GRM7: variants seen among roughly 807,000 people sequenced by gnomAD.
GRM7 encodes glutamate metabotropic receptor 7, also known as metabotropic glutamate receptor 7.
Under a neutral mutation model 84.5 loss-of-function variants are expected in GRM7, and 35 were observed. The ratio of observed to expected loss-of-function variants is 0.41; its 90% confidence interval spans 0.32 to 0.55. The LOEUF (loss-of-function observed/expected upper bound fraction) is 0.55. Among genes scored for constraint, GRM7 ranks in the 20% least tolerant of loss-of-function variants. The pLI is 0.19. For synonymous variants in GRM7, 487 were observed against 455.1 expected (o/e 1.07, Z -0.89); for missense variants, 1,003 against 1,194.6 (o/e 0.84, Z 2.36).
At chr3:7,553,273 T>C (rs991836888) in intron 7 of GRM7, among the ~76,000 whole-genome samples, 5 of 152,158 alleles carry the variant, frequency 3.3e-5, no homozygotes, top group African/African-American at 1.2e-4. Flanking sequence ...TGGACTTCAT[T>C]GTCCATATCA....
At chr3:7,049,094 C>CTAGTTAGTCCAACTA (rs1696902463) in intron 1 of GRM7, among the ~76,000 whole-genome samples, 1 of 152,070 alleles carries the variant, frequency 6.6e-6, no homozygotes, top group Admixed American at 6.6e-5. Flanking sequence ...CATGTCCATT[C>CTAGTTAGTCCAACTA]ACTCCTCTCA....
intron 9 of GRM7, among the ~76,000 whole-genome samples, chr3:7,718,147 T>C (rs1701830097): frequency 6.6e-6 from 1 of 152,176 alleles, no homozygotes; most frequent in Admixed American, 6.5e-5. Flanking sequence ...AATGGGAGAA[T>C]GAAAGCATCT....
chr3:7,361,845 T>A (rs1460907853), intron 4 of GRM7, among the ~76,000 whole-genome samples: 2 of 152,048 alleles, frequency 1.3e-5, no homozygotes, highest in Non-Finnish European at 2.9e-5. Context: ...ATCCTTTTAT[T>A]TAAGGAAGGA....
At chr3:7,179,224 T>A (rs1228998108) in intron 2 of GRM7, among the ~76,000 whole-genome samples, 2 of 152,240 alleles carry the variant, frequency 1.3e-5, no homozygotes, top group African/African-American at 4.8e-5. Context: ...GGTCCTTGTC[T>A]CCTTGACTCC....
chr3:7,086,727 A>G (rs1698471120), intron 1 of GRM7, among the ~76,000 whole-genome samples: 2 of 152,220 alleles, frequency 1.3e-5, no homozygotes, highest in South Asian at 4.1e-4. Flanking sequence ...GCATGTGTTC[A>G]TGAAATAAAG....
intron 1 of GRM7, among the ~76,000 whole-genome samples, chr3:7,034,894 T>G (rs1314101402): frequency 6.6e-6 from 1 of 152,166 alleles, no homozygotes; most frequent in Non-Finnish European, 1.5e-5. Context: ...GAAGGAAGTC[T>G]CAGACTTTCA....
Position 7,623,129 on chromosome 3 carries a change from C to T in GRM7, c.2451+43772C>T, listed in dbSNP as rs138160274. Reference sequence around the variant, plus strand: ...AGTTGACATGTTATAAAGGCACACACGAGAAGTAGAGGTGATGACTTGTTC... The same window carrying T: ...AGTTGACATGTTATAAAGGCACACATGAGAAGTAGAGGTGATGACTTGTTC... On this transcript the variant is annotated intron_variant, in intron 8 of 9. Transcript: ENST00000357716. 2.2e-3 allele frequency among the ~76,000 whole-genome samples: 340 copies of T among 152,102 alleles called. 2 individuals are homozygous for T. The highest frequency in any genetic ancestry group is 2.1e-3 in the Non-Finnish European group (141 of 67,996).
At chr3:7,189,994 A>T (rs1192041818) in intron 2 of GRM7, among the ~76,000 whole-genome samples, 1 of 152,082 alleles carries the variant, frequency 6.6e-6, no homozygotes, top group Non-Finnish European at 1.5e-5. Flanking sequence ...ACAGAGAAGC[A>T]TACATACATA....
chr3:7,467,512 C>T (rs1203521252), intron 7 of GRM7, among the ~76,000 whole-genome samples: 1 of 152,160 alleles, frequency 6.6e-6, no homozygotes, highest in East Asian at 1.9e-4. Context: ...TACTACGTCT[C>T]CCTAATCAAG....
intron 9 of GRM7, among the ~76,000 whole-genome samples, chr3:7,723,773 G>C (rs939807703): frequency 6.6e-6 from 1 of 152,118 alleles, no homozygotes; most frequent in African/African-American, 2.4e-5. Flanking sequence ...CTAGAACCCA[G>C]GAGTTTGAGG....
chr3:7,141,604 A>C (rs1041610618), intron 1 of GRM7, among the ~76,000 whole-genome samples: 1 of 152,102 alleles, frequency 6.6e-6, no homozygotes, highest in African/African-American at 2.4e-5. Context: ...AAGGAAAATT[A>C]AAAACGTGAT....
At chr3:7,342,419 A>G (rs1325538871) in intron 4 of GRM7, among the ~76,000 whole-genome samples, 1 of 152,168 alleles carries the variant, frequency 6.6e-6, no homozygotes, top group Non-Finnish European at 1.5e-5. Context: ...GCTAGACATG[A>G]CCAATCAATT....
chr3:7,161,866 T>C (rs979508749), intron 2 of GRM7, among the ~76,000 whole-genome samples: 2 of 152,164 alleles, frequency 1.3e-5, no homozygotes, highest in Admixed American at 6.5e-5. Context: ...ATAAAAACGA[T>C]GTCCTTTTAT....
At chr3:7,527,623 T>A (rs1700857512) in intron 7 of GRM7, among the ~76,000 whole-genome samples, 1 of 152,042 alleles carries the variant, frequency 6.6e-6, no homozygotes, top group Admixed American at 6.6e-5. Context: ...GGGGAATACT[T>A]CTATCTATCT....
intron 8 of GRM7, among the ~76,000 whole-genome samples, chr3:7,600,905 A>T (rs926434558): frequency 6.6e-6 from 1 of 152,158 alleles, no homozygotes; most frequent in Non-Finnish European, 1.5e-5. Flanking sequence ...TGAGAGAGAA[A>T]GACAGACAGA....
At chr3:7,262,885 A>G (rs1157384437) in intron 2 of GRM7, among the ~76,000 whole-genome samples, 5 of 151,976 alleles carry the variant, frequency 3.3e-5, no homozygotes, top group Admixed American at 6.5e-5. Context: ...TATAGTAGAG[A>G]TGGGATTTCA....
intron 1 of GRM7, among the ~76,000 whole-genome samples, chr3:6,994,052 AATAACATCTTAGTAATGTGATCAT>A (rs1239692023): frequency 6.6e-6 from 1 of 152,220 alleles, no homozygotes; most frequent in African/African-American, 2.4e-5. Flanking sequence ...AAATTTGGCA[AATAACATCTTAGTAATGTGATCAT>A]ATAAAGGGAT....
intron 8 of GRM7, among the ~76,000 whole-genome samples, chr3:7,621,489 A>G (rs941008902): frequency 6.6e-6 from 1 of 152,166 alleles, no homozygotes; most frequent in Admixed American, 6.6e-5. Context: ...TGCACCTGTA[A>G]AATGTGACTT....
intron 1 of GRM7, among the ~76,000 whole-genome samples, chr3:6,927,501 G>GAAAGAAAGAAAGAA (rs1697351931): frequency 7.2e-6 from 1 of 139,722 alleles, no homozygotes; most frequent in Non-Finnish European, 1.6e-5. Context: ...AAGAAAGAAA[G>GAAAGAAAGAAAGAA]AAAGAAAGAA....
Sources: allele counts gnomAD v4.1 joint callset (sites outside exome capture counted in the v4.1 genomes callset), GRCh38; gene constraint gnomAD v4.1.1; transcripts MANE v1.5; gene names NCBI Gene and HGNC (gene_info 2026-07-23, HGNC 2026-07-21).